Variants in DAB1 observed in about 807,000 individuals in gnomAD.
The protein encoded by DAB1 is DAB adaptor protein 1, also known as disabled homolog 1.
DAB1 carries 15 observed loss-of-function variants against 64.6 expected under a neutral mutation model. The ratio of observed to expected loss-of-function variants is 0.23; its 90% CI spans 0.16 to 0.36. The LOEUF (loss-of-function observed/expected upper bound fraction) is 0.36, where lower values mean the gene tolerates loss of function less well. Ranked by LOEUF, DAB1 falls within the 10% of genes least tolerant of loss-of-function variation. DAB1 has a pLI of 1.00. For missense variants in DAB1, 596 were observed against 706.7 expected (o/e 0.84, Z 1.78); for synonymous variants, 235 against 251.9 (o/e 0.93, Z 0.64).
chr1:57,850,253 C>G, intron 1 of DAB1, among the ~76,000 whole-genome samples: 1 of 152,142 alleles, frequency 6.6e-6, no homozygotes, highest in Non-Finnish European at 1.5e-5. Flanking sequence ...AATCATAGGA[C>G]CTCACACAAA....
intron 7 of DAB1, among the ~76,000 whole-genome samples, chr1:57,511,964 C>G (rs1016304726): frequency 1.3e-5 from 2 of 152,146 alleles, no homozygotes; most frequent in African/African-American, 4.8e-5. Flanking sequence ...TTTTAAAGCA[C>G]TTACTCTGCC....
At chr1:57,179,141 T>G (rs1176060659) in intron 2 of DAB1, among the ~76,000 whole-genome samples, 1 of 152,158 alleles carries the variant, frequency 6.6e-6, no homozygotes, top group Admixed American at 6.5e-5. Flanking sequence ...TTCAGACTCA[T>G]GCAGCAAATG....
chr1:57,696,271 C>A (rs1187610116), intron 6 of DAB1, among the ~76,000 whole-genome samples: 1 of 152,034 alleles, frequency 6.6e-6, no homozygotes, highest in African/African-American at 2.4e-5. Context: ...GGGAAACAGG[C>A]CTGAGATGGA....
chr1:57,919,884 G>T (rs1162967246), intron 5 of DAB1, among the ~76,000 whole-genome samples: 3 of 152,134 alleles, frequency 2.0e-5, no homozygotes, highest in Admixed American at 1.3e-4. Context: ...TGTGTACTTG[G>T]ATTTATATTG....
upstream of DAB1, among the ~76,000 whole-genome samples, chr1:57,424,497 G>T (rs1387670813): frequency 6.6e-6 from 1 of 152,172 alleles, no homozygotes; most frequent in Non-Finnish European, 1.5e-5. Flanking sequence ...AGGGAGGGGG[G>T]TTGTCACAAA....
At chr1:57,792,413 A>G (rs1007364932) in intron 6 of DAB1, among the ~76,000 whole-genome samples, 1 of 152,150 alleles carries the variant, frequency 6.6e-6, no homozygotes, top group Non-Finnish European at 1.5e-5. Flanking sequence ...TAGCTTTTCT[A>G]TGATCTCTTC....
At chr1:58,096,855 C>A (rs1235704647) in intron 5 of DAB1, among the ~76,000 whole-genome samples, 1 of 152,208 alleles carries the variant, frequency 6.6e-6, no homozygotes, top group Non-Finnish European at 1.5e-5. Flanking sequence ...CCCAGCGATC[C>A]CAGCACTGGC....
intron 3 of DAB1, among the ~76,000 whole-genome samples, chr1:57,143,631 T>C (rs1372689918): frequency 6.6e-6 from 1 of 152,136 alleles, no homozygotes; most frequent in Non-Finnish European, 1.5e-5. Context: ...GTTTTAAAAA[T>C]CATGATTCTT....
intron 5 of DAB1, among the ~76,000 whole-genome samples, chr1:58,021,520 G>A (rs1646814401): frequency 6.6e-6 from 1 of 152,084 alleles, no homozygotes; most frequent in Admixed American, 6.5e-5. Flanking sequence ...GTTTCCAAAA[G>A]AAAATAAGGG....
At chr1:57,509,218 T>C (rs918637657) in intron 7 of DAB1, among the ~76,000 whole-genome samples, 1 of 152,160 alleles carries the variant, frequency 6.6e-6, no homozygotes, top group Non-Finnish European at 1.5e-5. Context: ...ATGAAGTGCC[T>C]GGCATAGTGC....
intron 6 of DAB1, among the ~76,000 whole-genome samples, chr1:57,799,361 C>T (rs1226172013): frequency 6.6e-6 from 1 of 152,014 alleles, no homozygotes; most frequent in African/African-American, 2.4e-5. Context: ...TCTTTCTATA[C>T]TAGGTAAATT....
intron 5 of DAB1, among the ~76,000 whole-genome samples, chr1:58,131,537 C>T (rs2100696083): frequency 7.0e-6 from 1 of 143,876 alleles, no homozygotes; most frequent in South Asian, 2.4e-4. Context: ...AGGCGCTCTG[C>T]TTTTTAGAGT....
intron 5 of DAB1, among the ~76,000 whole-genome samples, chr1:57,949,566 A>AT (rs1553146617): frequency 1.2e-4 from 15 of 127,072 alleles, no homozygotes; most frequent in Middle Eastern, 4.0e-3. Context: ...ACACACACAC[A>AT]ATATATATAT....
chr1:57,303,641 G>T (rs1673863538), intron 1 of DAB1, among the ~76,000 whole-genome samples: 1 of 151,966 alleles, frequency 6.6e-6, no homozygotes. Flanking sequence ...GTGAGCACTA[G>T]CAGAAGCCAC....
intron 7 of DAB1, among the ~76,000 whole-genome samples, chr1:57,563,629 A>T (rs553010353): frequency 6.6e-6 from 1 of 152,312 alleles, no homozygotes; most frequent in East Asian, 1.9e-4. Flanking sequence ...CAAACGGCAC[A>T]CCAAGAGATT....
At chr1:57,247,163 A>T (rs1328612845) in intron 2 of DAB1, among the ~76,000 whole-genome samples, 3 of 152,188 alleles carry the variant, frequency 2.0e-5, no homozygotes, top group Admixed American at 2.0e-4. Context: ...AAAATTATAT[A>T]GTCTGGCTCT....
chr1:57,129,002 T>A (rs535102760), intron 4 of DAB1, among the ~76,000 whole-genome samples: 2 of 152,320 alleles, frequency 1.3e-5, no homozygotes, highest in East Asian at 1.9e-4. Flanking sequence ...TCTCAGTTTC[T>A]CATCTGTCTA....
intron 5 of DAB1, among the ~76,000 whole-genome samples, chr1:57,898,143 C>T (rs187474765): frequency 7.2e-5 from 11 of 152,216 alleles, no homozygotes. Flanking sequence ...CTGAGAGTAC[C>T]TTTGGACTCT....
intron 6 of DAB1, among the ~76,000 whole-genome samples, chr1:57,733,035 A>G (rs756378617): frequency 6.6e-5 from 10 of 152,192 alleles, no homozygotes; most frequent in Non-Finnish European, 1.3e-4. Context: ...TACTCTTTCC[A>G]ACAAGTTCTA....
Sources: gnomAD v4.1 joint callset for allele counts (sites outside exome capture counted in the v4.1 genomes callset) on GRCh38, gnomAD v4.1.1 for gene constraint, MANE v1.5 for transcripts, NCBI Gene and HGNC (gene_info 2026-07-23, HGNC 2026-07-21) for gene names.